Variants in MASTL observed in about 807,000 individuals in gnomAD.
The protein encoded by MASTL is microtubule associated serine/threonine kinase like, also known as serine/threonine-protein kinase greatwall.
MASTL carries 54 observed loss-of-function variants against 82.5 expected under a neutral mutation model. The observed-to-expected ratio is 0.65, with a 90% CI of 0.53 to 0.82. MASTL has a LOEUF of 0.82. MASTL is among the 40% of genes least tolerant of loss of function. MASTL has a pLI of 0.00. For missense variants in MASTL, 950 were observed against 1,047.8 expected, an observed-to-expected ratio of 0.91 and a Z score of 1.29; for synonymous variants, 323 against 368.9, an observed-to-expected ratio of 0.88 and a Z score of 1.43.
Position 27,170,452 on chromosome 10 carries a change from G to A in MASTL, c.1493G>A (p.Ser498Asn). The A allele has an allele frequency of 6.2e-7, 1 of 1,614,080 alleles. No individual in the cohort carries two copies. Among genetic ancestry groups the A allele is most frequent in the Non-Finnish European group, 8.5e-7 (1 of 1,179,998 alleles). The change falls in exon 8 of 12, where the codon AGT becomes AAT. Residue 498 changes from serine to asparagine, a missense_variant. Transcript: ENST00000375940. ...GACCTTAAGCTATCAGTGCACAAAA[G>A]TCAACAAAATGACTGTGCTAATAAG... is the stretch of plus-strand genomic sequence containing the variant. ...VQDLKLSVHK[S>N]QQNDCANKEN...
intron 8 of MASTL, 114 bp from the exon 9 acceptor site, chr10:27,173,004 C>A: frequency 1.6e-6 from 2 of 1,226,020 alleles, no homozygotes; most frequent in Non-Finnish European, 2.3e-6. Flanking sequence ...TTGACTACAT[C>A]CTTTACGCCT....
At chr10:27,165,012 A>G in intron 4 of MASTL, 52 bp from the exon 5 acceptor site, 1 of 1,121,808 alleles carries the variant, frequency 8.9e-7, no homozygotes, top group Non-Finnish European at 1.4e-6. Context: ...TTTTTAGTCA[A>G]TGGGAGGTAA....
rs769200738 is a variant in MASTL, at chr10:27,170,475, A to G, written c.1516A>G (p.Lys506Glu). 1 of 1,614,030 alleles carries G rather than the reference A, an allele frequency of 6.2e-7. No homozygotes were observed. The highest frequency in any genetic ancestry group is 8.5e-7 in the Non-Finnish European group (1 of 1,179,916). Residue 506 changes from lysine to glutamate, a missense_variant, in exon 8 of 12, where the codon AAG becomes GAG. Physicochemically the swap from Lys to Glu is moderately conservative, Grantham distance 56. Coordinates refer to ENST00000375940, the MANE Select transcript of MASTL (RefSeq NM_001172303.3). Reference protein sequence around the residue: ...HKSQQNDCANKENIVNSFTDK... With the variant: ...HKSQQNDCANEENIVNSFTDK... ...AAGTCAACAAAATGACTGTGCTAAT[A>G]AGGAGAACATTGTCAATTCTTTTAC... is the stretch of plus-strand genomic sequence containing the variant.
At chr10:27,177,576 C>T (rs983321681) in intron 9 of MASTL, among the ~76,000 whole-genome samples, 22 of 152,252 alleles carry the variant, frequency 1.4e-4, no homozygotes, top group African/African-American at 5.1e-4. Flanking sequence ...CTGAGTTTTC[C>T]GTAACTTTAT....
chr10:27,154,662 C>T (rs184506782), upstream of MASTL: 168 of 220,388 alleles, frequency 7.6e-4, 2 homozygotes, highest in South Asian at 0.014. Flanking sequence ...CTCTGCTCCC[C>T]GGGTTCAAGC....
At chr10:27,166,548 G>A (rs1165941970) in intron 6 of MASTL, among the ~76,000 whole-genome samples, 2 of 152,218 alleles carry the variant, frequency 1.3e-5, no homozygotes, top group East Asian at 3.9e-4. Context: ...TGAGGCGAGA[G>A]GATCACTTGA....
intron 7 of MASTL, among the ~76,000 whole-genome samples, chr10:27,169,401 T>C (rs2057843906): frequency 6.6e-6 from 1 of 151,292 alleles, no homozygotes; most frequent in Non-Finnish European, 1.5e-5. Flanking sequence ...CATCTCCACT[T>C]AAAAAAAATT....
intron 11 of MASTL, 51 bp from the exon 12 acceptor site, chr10:27,186,328 T>C (rs1447612989): frequency 1.3e-6 from 2 of 1,514,178 alleles, no homozygotes; most frequent in South Asian, 2.2e-5. Context: ...TGTAAAGCAG[T>C]ACTTACTTAG....
chr10:27,158,957 C>T (rs1427919205), intron 2 of MASTL, among the ~76,000 whole-genome samples: 2 of 152,128 alleles, frequency 1.3e-5, no homozygotes, highest in African/African-American at 2.4e-5. Context: ...TCAAGCACTT[C>T]GAGAGGCTGA....
chr10:27,158,587 T>A lies in MASTL; in HGVS notation c.225T>A (p.Thr75=), dbSNP rs748903165. 3 of 1,611,044 alleles carry A rather than the reference T, an allele frequency of 1.9e-6. No individual in the cohort carries two copies. The South Asian group carries it at 3.3e-5, about 18-fold the overall frequency. ...CAGACATGATCAACAAAAATATGAC[T>A]CATCAGGTCCAAGCTGAGAGAGATG... The part of the protein sequence containing the change: ...KKADMINKNM[T]HQVQAERDAL... The change falls in exon 2 of 12, where the codon ACT becomes ACA. Residue 75 remains threonine, a synonymous_variant. Transcript: ENST00000375940.
In MASTL at chr10:27,158,549, G is replaced by A. The variant is rs367601064; in HGVS notation, c.187G>A (p.Val63Ile). The A allele has an allele frequency of 6.3e-7, 1 of 1,589,524 alleles. No individual in the cohort carries two copies. Among genetic ancestry groups the A allele is most frequent in the South Asian group, 1.1e-5 (1 of 90,596 alleles). The change falls in exon 2 of 12, where the codon GTT (valine) becomes ATT (isoleucine). Residue 63 changes from valine (V) to isoleucine (I), a missense_variant and splice_region_variant. By Grantham distance (29) the Val-to-Ile change is conservative. Coordinates refer to ENST00000375940, the MANE Select transcript of MASTL (RefSeq NM_001172303.3). The stretch of plus-strand genomic sequence containing the variant: ...ATCACTTTTATTTTATCTATTACAG[G>A]TTGTTAAAAAAGCAGACATGATCAA... Reference protein sequence around the residue: ...QKGGKLYAVKVVKKADMINKN... With the variant: ...QKGGKLYAVKIVKKADMINKN...
intron 4 of MASTL, 52 bp downstream of exon 4, chr10:27,161,234 G>A (rs765812046): frequency 1.1e-5 from 12 of 1,068,596 alleles, no homozygotes; most frequent in African/African-American, 3.1e-5. Flanking sequence ...CAGGCCAGGC[G>A]TGGTGGCTCA....
Position 27,170,771 on chromosome 10 carries a change from T to G in MASTL, c.1812T>G (p.Ile604Met), listed in dbSNP as rs762969835. 2.5e-6 allele frequency: 4 copies of G among 1,613,956 alleles called. No individual in the cohort carries two copies. In the South Asian group the frequency reaches 4.4e-5, roughly 18 times the overall value. The change falls in exon 8 of 12, where the codon ATT (isoleucine) becomes ATG (methionine). Residue 604 changes from isoleucine to methionine, a missense_variant. Transcript: ENST00000375940. ...IKESSFEESNIEDPLIVTPDC... is the reference protein window; with the variant it reads ...IKESSFEESNMEDPLIVTPDC... ...AATCCTCTTTTGAAGAATCAAATAT[T>G]GAAGATCCACTTATTGTAACACCAG...
chr10:27,154,537 G>A (rs1241562573), upstream of MASTL: 1 of 456,286 alleles, frequency 2.2e-6, no homozygotes, highest in African/African-American at 2.0e-5. Flanking sequence ...TTTTTAAGGG[G>A]AGAACAGCCT....
rs1414026787 is a variant in MASTL at position 27,155,577 on chromosome 10, C to G, written c.151C>G (p.Leu51Val). 2 of 1,614,228 alleles carry G rather than the reference C, an allele frequency of 1.2e-6. No homozygotes were observed. The highest frequency in any genetic ancestry group is 1.7e-6 in the Non-Finnish European group (2 of 1,180,040). The change falls in exon 1 of 12, where the codon CTG (leucine) becomes GTG (valine). Residue 51 changes from leucine (L) to valine (V), a missense_variant. Coordinates refer to ENST00000375940, the MANE Select transcript of MASTL (RefSeq NM_001172303.3). ...CCGGGGCGCCTTCGGGAAAGTGTATCTGGGGCAGAAAGGCGGCAAATTGTA... is the reference window on the plus strand; with the variant it reads ...CCGGGGCGCCTTCGGGAAAGTGTATGTGGGGCAGAAAGGCGGCAAATTGTA... ...ISRGAFGKVY[L>V]GQKGGKLYAV...
chr10:27,183,586 A>G (rs967319361), intron 11 of MASTL, among the ~76,000 whole-genome samples: 8 of 152,150 alleles, frequency 5.3e-5, no homozygotes, highest in African/African-American at 1.9e-4. Context: ...GAGGTATGGT[A>G]ATATAGAGAA....
At chr10:27,184,849 T>C (rs1221964444) in intron 11 of MASTL, among the ~76,000 whole-genome samples, 1 of 151,948 alleles carries the variant, frequency 6.6e-6, no homozygotes, top group African/African-American at 2.4e-5. Flanking sequence ...GCATGAGCCA[T>C]TACTCTGCCC....
At chr10:27,156,829 AT>A (rs10660334) in intron 1 of MASTL, among the ~76,000 whole-genome samples, 9,229 of 122,264 alleles carry the variant, frequency 0.075, 341 homozygotes, top group South Asian at 0.16. Flanking sequence ...CCTGCTATGA[AT>A]TTTTTTTTTT....
chr10:27,179,608 A>G (rs867517137), intron 9 of MASTL, among the ~76,000 whole-genome samples: 1 of 152,196 alleles, frequency 6.6e-6, no homozygotes, highest in African/African-American at 2.4e-5. Flanking sequence ...TTTGCATCCA[A>G]TGAATATTTT....
Sources: gnomAD v4.1 joint callset for allele counts (sites outside exome capture counted in the v4.1 genomes callset) on GRCh38, gnomAD v4.1.1 for gene constraint, MANE v1.5 for transcripts, NCBI Gene and HGNC (gene_info 2026-07-23, HGNC 2026-07-21) for gene names.